CPM: variants seen among roughly 807,000 people sequenced by gnomAD.
CPM encodes the protein renal carboxypeptidase.
In CPM, 35 loss-of-function variants were observed where a neutral mutation model predicts 46.4. The ratio of observed to expected loss-of-function variants is 0.75; its 90% CI spans 0.58 to 1.00. The LOEUF (loss-of-function observed/expected upper bound fraction) is 1.00, where lower values mean the gene tolerates loss of function less well. CPM is among the 50% of genes least tolerant of loss of function. The pLI, the probability that CPM is intolerant of heterozygous loss-of-function variation, is 0.00. For missense variants in CPM, 422 were observed against 530.4 expected, an observed-to-expected ratio of 0.80 and a Z score of 2.01; for synonymous variants, 195 against 195.3, an observed-to-expected ratio of 1.00 and a Z score of 0.01.
intron 3 of CPM, among the ~76,000 whole-genome samples, chr12:68,879,206 C>T (rs907635380): frequency 3.3e-5 from 5 of 152,106 alleles, no homozygotes; most frequent in Non-Finnish European, 5.9e-5. Context: ...AAAATAATTG[C>T]AATTTAGTTA....
chr12:68,886,455 A>AT (rs1886434269), intron 2 of CPM, among the ~76,000 whole-genome samples: 1 of 152,144 alleles, frequency 6.6e-6, no homozygotes, highest in South Asian at 2.1e-4. Context: ...ACACAGTGAA[A>AT]TCCCGTCTCT....
Position 68,859,047 on chromosome 12 carries a change from TG to T in CPM, c.964del (p.Gln322ArgfsTer9). 1 of 1,535,500 alleles carries T rather than the reference TG, an allele frequency of 6.5e-7. No homozygotes were observed. Among genetic ancestry groups the T allele is most frequent in the South Asian group, 1.4e-5 (1 of 73,576 alleles). On this transcript the variant is annotated frameshift_variant, in exon 8 of 9. Transcript: ENST00000551568. LOFTEE classifies it high-confidence loss of function. The part of the protein sequence containing the change: ...HLGVKGQVFD[Q>X]NGNPLPNVIV... ...TACATTGGGTAATGGATTTCCATTCTGATCAAAAACTTGACCCTTTACACCT... is the reference window on the plus strand; with the variant it reads ...TACATTGGGTAATGGATTTCCATTCTATCAAAAACTTGACCCTTTACACCT...
At chr12:68,872,084 A>T (rs1370093366) in intron 3 of CPM, 128 bp from the exon 4 acceptor site, 3 of 923,314 alleles carry the variant, frequency 3.2e-6, no homozygotes, top group Non-Finnish European at 3.2e-6. Context: ...AGTTTGTAAG[A>T]TCACTCTTTC....
intron 2 of CPM, among the ~76,000 whole-genome samples, chr12:68,908,427 T>TAGCAGATAGTGA (rs1190143754): frequency 3.9e-4 from 59 of 151,772 alleles, no homozygotes; most frequent in Non-Finnish European, 8.0e-4. Context: ...CACTTTCTCT[T>TAGCAGATAGTGA]TTCTCTGGAG....
chr12:68,898,113 C>T (rs1000758486), intron 2 of CPM, among the ~76,000 whole-genome samples: 1 of 149,618 alleles, frequency 6.7e-6, no homozygotes. Context: ...CTCAGCCTCC[C>T]AAGATGTTAG....
intron 1 of CPM, among the ~76,000 whole-genome samples, chr12:68,939,620 G>A (rs1201768642): frequency 7.9e-5 from 12 of 151,944 alleles, no homozygotes; most frequent in Non-Finnish European, 2.9e-5. Context: ...GTTGTAAAAT[G>A]TGCAAATCTG....
chr12:68,842,675 A>T (rs191198390), intron 5 of CPM: 34 of 208,950 alleles, frequency 1.6e-4, no homozygotes, highest in Non-Finnish European at 2.9e-4. Context: ...TGACATTCAA[A>T]AATTTATGGC....
intron 2 of CPM, among the ~76,000 whole-genome samples, chr12:68,918,477 C>G (rs2136302591): frequency 6.6e-6 from 1 of 152,232 alleles, no homozygotes; most frequent in African/African-American, 2.4e-5. Context: ...TGATTTCATC[C>G]CAAATCTGTC....
chr12:68,901,939 G>T (rs901525849), intron 2 of CPM, among the ~76,000 whole-genome samples: 1 of 152,090 alleles, frequency 6.6e-6, no homozygotes, highest in Non-Finnish European at 1.5e-5. Context: ...ATCAGAAAGA[G>T]GCACCTCTGT....
chr12:68,885,929 CT>C, intron 2 of CPM, 40 bp from the exon 3 acceptor site: 1 of 1,559,114 alleles, frequency 6.4e-7, no homozygotes, highest in Non-Finnish European at 8.8e-7. Context: ...AGTAAGTTGT[CT>C]CTTAAAATGA....
intron 2 of CPM, among the ~76,000 whole-genome samples, chr12:68,892,563 A>T (rs1244273829): frequency 6.6e-6 from 1 of 152,144 alleles, no homozygotes; most frequent in African/African-American, 2.4e-5. Context: ...ATAGGCTAAG[A>T]AAGTAGGGTA....
At chr12:68,881,015 G>T (rs1374228225) in intron 3 of CPM, among the ~76,000 whole-genome samples, 2 of 152,156 alleles carry the variant, frequency 1.3e-5, no homozygotes. Flanking sequence ...TGCAAAATGA[G>T]GAGTGAGTTT....
chr12:68,929,131 C>G (rs1399018543), intron 2 of CPM, among the ~76,000 whole-genome samples: 1 of 151,826 alleles, frequency 6.6e-6, no homozygotes, highest in African/African-American at 2.4e-5. Flanking sequence ...CACAAGGGTT[C>G]ATTTTTTAAA....
chr12:68,935,223 T>G (rs1888654189), upstream of CPM, among the ~76,000 whole-genome samples: 1 of 148,622 alleles, frequency 6.7e-6, no homozygotes, highest in South Asian at 2.2e-4. Flanking sequence ...TTTTTTTTTT[T>G]CTTAAAGAGA....
intron 6 of CPM, among the ~76,000 whole-genome samples, chr12:68,867,322 T>C (rs1388916947): frequency 6.6e-6 from 1 of 152,228 alleles, no homozygotes. Context: ...CCTTTTTTGT[T>C]TTTATTTTTT....
chr12:68,941,100 C>T (rs990605898), intron 1 of CPM, among the ~76,000 whole-genome samples: 1 of 151,456 alleles, frequency 6.6e-6, no homozygotes, highest in African/African-American at 2.4e-5. Context: ...TTGTGACTGG[C>T]TTATTTCTGT....
At position 68,898,266 on chromosome 12, in the gene CPM, C is replaced by A. The variant is rs114512382; in HGVS notation, c.161-12377G>T. Among the ~76,000 whole-genome samples, 726 of 152,262 alleles carry A rather than the reference C, an allele frequency of 4.8e-3. 7 individuals are homozygous for A. Among genetic ancestry groups the A allele is most frequent in the African/African-American group, 0.016 (681 of 41,546 alleles). On this transcript the variant is annotated intron_variant, in intron 2 of 8. Coordinates refer to ENST00000551568, the MANE Select transcript of CPM (RefSeq NM_198320.5). ...AAAGACAGTTTGTTGGAGGTCTGCA[C>A]AGCCCTATTGTCTATTTATTGCTAC...
intron 2 of CPM, among the ~76,000 whole-genome samples, chr12:68,894,516 TAG>T (rs1439372172): frequency 1.4e-4 from 21 of 152,288 alleles, no homozygotes; most frequent in African/African-American, 4.8e-4. Context: ...TTCTGCACCC[TAG>T]TACCCTAGGC....
chr12:68,859,654 C>T (rs1039660882), intron 7 of CPM, among the ~76,000 whole-genome samples: 1 of 152,132 alleles, frequency 6.6e-6, no homozygotes, highest in Admixed American at 6.6e-5. Context: ...ATTAAATTCT[C>T]ATATCAGCTC....
Sources: gnomAD v4.1 joint callset for allele counts (sites outside exome capture counted in the v4.1 genomes callset) on GRCh38, gnomAD v4.1.1 for gene constraint, MANE v1.5 for transcripts, NCBI Gene and HGNC (gene_info 2026-07-23, HGNC 2026-07-21) for gene names.